Variants in NREP observed in about 807,000 individuals in gnomAD.
The protein encoded by NREP is neuronal regeneration related protein.
In NREP, 5 loss-of-function variants were observed where a neutral mutation model predicts 8.6. The observed-to-expected ratio is 0.58, with a 90% CI of 0.30 to 1.22. The LOEUF (loss-of-function observed/expected upper bound fraction) is 1.22, where lower values mean the gene tolerates loss of function less well. NREP is among the 50% of genes most tolerant of loss of function. The probability of loss-of-function intolerance (pLI) is 0.07; values close to 1 mark genes in which losing one functional copy is unlikely to be tolerated. For synonymous variants in NREP, 27 were observed against 28.0 expected (o/e 0.96, Z 0.11); for missense variants, 86 against 82.5 (o/e 1.04, Z -0.17).
At chr5:111,910,325 C>A (rs1754877736) in intron 2 of NREP, among the ~76,000 whole-genome samples, 2 of 152,056 alleles carry the variant, frequency 1.3e-5, no homozygotes, top group Middle Eastern at 3.4e-3. Flanking sequence ...GCTTACCTCC[C>A]TATAAAGGCA....
chr5:111,736,286 A>C (rs778070717), intron 2 of NREP, among the ~76,000 whole-genome samples: 25 of 152,220 alleles, frequency 1.6e-4, no homozygotes, highest in Non-Finnish European at 3.2e-4. Flanking sequence ...CAAATTACTA[A>C]AAGAAATTAG....
chr5:111,732,899 T>G (rs1285370511), intron 3 of NREP: 2 of 152,174 alleles, frequency 1.3e-5, no homozygotes, highest in East Asian at 3.9e-4. Flanking sequence ...CAGCTTGCCT[T>G]AAAACTGCTC....
At chr5:111,877,318 T>C (rs1405507227) in intron 2 of NREP, among the ~76,000 whole-genome samples, 1 of 152,230 alleles carries the variant, frequency 6.6e-6, no homozygotes, top group African/African-American at 2.4e-5. Flanking sequence ...TGTTCATTCT[T>C]TCTCCAATAA....
chr5:111,874,841 G>GA (rs1179944676), intron 2 of NREP, among the ~76,000 whole-genome samples: 30 of 152,170 alleles, frequency 2.0e-4, no homozygotes, highest in African/African-American at 7.0e-4. Flanking sequence ...AACTAAATAG[G>GA]ATGATTCAGA....
chr5:111,798,152 T>C (rs1751915136), intron 2 of NREP, among the ~76,000 whole-genome samples: 1 of 152,196 alleles, frequency 6.6e-6, no homozygotes, highest in East Asian at 1.9e-4. Context: ...ACTATCTTAT[T>C]TTTAGCAAAG....
chr5:111,880,751 T>A (rs1168725663), intron 2 of NREP, among the ~76,000 whole-genome samples: 1 of 148,166 alleles, frequency 6.7e-6, no homozygotes, highest in African/African-American at 2.5e-5. Flanking sequence ...TTTTTTTTTT[T>A]TTTGAGACAG....
chr5:111,933,570 C>T (rs1330602733), intron 2 of NREP, among the ~76,000 whole-genome samples: 1 of 152,032 alleles, frequency 6.6e-6, no homozygotes, highest in Non-Finnish European at 1.5e-5. Flanking sequence ...GCCATCCAAG[C>T]CAAGGACAGA....
At chr5:111,794,577 G>A (rs554514) in intron 2 of NREP, among the ~76,000 whole-genome samples, 77,612 of 151,996 alleles carry the variant, frequency 0.51, 20,476 homozygotes, top group African/African-American at 0.66. Context: ...CCAATCTGAA[G>A]TGAGTACATA....
At chr5:111,812,093 A>C (rs1009435179) in intron 2 of NREP, among the ~76,000 whole-genome samples, 1 of 151,924 alleles carries the variant, frequency 6.6e-6, no homozygotes, top group Non-Finnish European at 1.5e-5. Context: ...TTTGAGACAA[A>C]CCTGGGCAAC....
At chr5:111,817,302 G>A (rs1457186839) in intron 2 of NREP, among the ~76,000 whole-genome samples, 6 of 152,118 alleles carry the variant, frequency 3.9e-5, no homozygotes, top group Admixed American at 2.6e-4. Flanking sequence ...GAACCTCAGT[G>A]CATCATTGAA....
chr5:111,913,357 T>C (rs897973006), intron 2 of NREP, among the ~76,000 whole-genome samples: 4 of 152,118 alleles, frequency 2.6e-5, no homozygotes, highest in African/African-American at 4.8e-5. Context: ...AACTAGCACA[T>C]TGCCTTTCAT....
At position 111,975,398 on chromosome 5, in the gene NREP, T is replaced by C. The variant is rs1756934227; in HGVS notation, c.31-20A>G. On this transcript the variant is annotated intron_variant, in intron 1 of 3. Coordinates refer to the NREP transcript ENST00000395634. ...TCGGCTCTGCAGACAAGACACATGGTAGAAAACGTGAGCACTGACCCCCCT... is the reference window on the plus strand; with the variant it reads ...TCGGCTCTGCAGACAAGACACATGGCAGAAAACGTGAGCACTGACCCCCCT... 3.2e-6 allele frequency: 5 copies of C among 1,541,604 alleles called. No individual in the cohort carries two copies. The East Asian group carries it at 1.2e-4, about 38-fold the overall frequency.
At chr5:111,940,915 G>T (rs1025849987) in intron 2 of NREP, among the ~76,000 whole-genome samples, 1 of 152,054 alleles carries the variant, frequency 6.6e-6, no homozygotes, top group Non-Finnish European at 1.5e-5. Context: ...GGCACATAGG[G>T]CAAGGTCGAG....
At chr5:111,873,663 T>A (rs1753839279) in intron 2 of NREP, among the ~76,000 whole-genome samples, 1 of 152,204 alleles carries the variant, frequency 6.6e-6, no homozygotes, top group Non-Finnish European at 1.5e-5. Context: ...TGTTCCATTA[T>A]TCAGGACTCA....
At chr5:111,887,059 G>A (rs1754272027) in intron 2 of NREP, among the ~76,000 whole-genome samples, 1 of 151,676 alleles carries the variant, frequency 6.6e-6, no homozygotes, top group Non-Finnish European at 1.5e-5. Flanking sequence ...AAACAACTGG[G>A]ACTACAGGTG....
intron 2 of NREP, among the ~76,000 whole-genome samples, chr5:111,896,096 G>A (rs371757473): frequency 1.6e-3 from 238 of 152,280 alleles, no homozygotes; most frequent in African/African-American, 5.6e-3. Flanking sequence ...CATCTTAGCT[G>A]TTAAACAGAA....
At chr5:111,759,421 C>CT (rs56847446), upstream of NREP, among the ~76,000 whole-genome samples, 10,494 of 144,812 alleles carry the variant, frequency 0.072, 608 homozygotes, top group African/African-American at 0.16. Flanking sequence ...TTCTTTCTTT[C>CT]TTTTTTTTTT....
At chr5:111,766,242 CAATAA>C (rs1751080518) in intron 2 of NREP, among the ~76,000 whole-genome samples, 2 of 152,144 alleles carry the variant, frequency 1.3e-5, no homozygotes, top group African/African-American at 4.8e-5. Context: ...AAAGGCATCA[CAATAA>C]AACAGTAAGA....
intron 2 of NREP, among the ~76,000 whole-genome samples, chr5:111,837,891 G>T (rs550631049): frequency 6.6e-6 from 1 of 152,012 alleles, no homozygotes; most frequent in East Asian, 1.9e-4. Context: ...TGGCCAAACC[G>T]TAAATAACTG....
Sources: allele counts gnomAD v4.1 joint callset (sites outside exome capture counted in the v4.1 genomes callset), GRCh38; gene constraint gnomAD v4.1.1; transcripts MANE v1.5; gene names NCBI Gene and HGNC (gene_info 2026-07-23, HGNC 2026-07-21).